The following RBMS3 variants were observed in gnomAD, a reference collection of about 807,000 sequenced individuals.
The protein encoded by RBMS3 is RNA-binding motif, single-stranded-interacting protein 3.
RBMS3 carries 27 observed loss-of-function variants against 66.8 expected under a neutral mutation model. That is an observed-to-expected ratio of 0.40 (90% CI 0.30 to 0.56). The LOEUF (loss-of-function observed/expected upper bound fraction) is 0.56, where lower values mean the gene tolerates loss of function less well. Ranked by LOEUF, RBMS3 falls within the 20% of genes least tolerant of loss-of-function variation. The pLI is 0.40. For synonymous variants in RBMS3, 188 were observed against 183.0 expected (o/e 1.03, Z -0.22); for missense variants, 513 against 549.5 (o/e 0.93, Z 0.66).
chr3:29,486,335 C>A (rs1294815523), intron 2 of RBMS3, among the ~76,000 whole-genome samples: 2 of 152,054 alleles, frequency 1.3e-5, no homozygotes. Context: ...TGTAACGGAG[C>A]CATGGAATGA....
chr3:29,717,807 G>A (rs1002649171), intron 4 of RBMS3, among the ~76,000 whole-genome samples: 1 of 152,080 alleles, frequency 6.6e-6, no homozygotes, highest in Non-Finnish European at 1.5e-5. Context: ...TTAGCGGAGT[G>A]GCAAATTGAT....
intron 12 of RBMS3, among the ~76,000 whole-genome samples, chr3:29,976,670 T>A (rs143339277): frequency 5.3e-5 from 8 of 152,232 alleles, no homozygotes; most frequent in Admixed American, 5.2e-4. Context: ...CTCTCATCCC[T>A]TGAGTGACAT....
At chr3:29,391,963 G>A (rs1017153443) in intron 1 of RBMS3, among the ~76,000 whole-genome samples, 5 of 152,032 alleles carry the variant, frequency 3.3e-5, no homozygotes, top group Admixed American at 6.6e-5. Context: ...TTAAGAAAAC[G>A]TAGAGGCCTG....
intron 3 of RBMS3, among the ~76,000 whole-genome samples, chr3:29,564,004 CAAAA>C (rs549817111): frequency 2.7e-5 from 2 of 72,902 alleles, no homozygotes; most frequent in African/African-American, 8.5e-5. Context: ...GAGATGCTGT[CAAAA>C]AAAAAAAAAG....
intron 1 of RBMS3, among the ~76,000 whole-genome samples, chr3:29,429,256 C>A (rs749703948): frequency 6.6e-6 from 1 of 152,152 alleles, no homozygotes; most frequent in African/African-American, 2.4e-5. Flanking sequence ...ATATAAAATG[C>A]TTAGCAAGCA....
intron 5 of RBMS3, among the ~76,000 whole-genome samples, chr3:29,761,160 TG>T (rs2055669739): frequency 6.6e-6 from 1 of 152,092 alleles, no homozygotes; most frequent in African/African-American, 2.4e-5. Context: ...GTTCTAAGTG[TG>T]GGGCTGTGTG....
intron 4 of RBMS3, among the ~76,000 whole-genome samples, chr3:29,631,735 C>T (rs991908216): frequency 6.6e-6 from 1 of 151,826 alleles, no homozygotes; most frequent in Non-Finnish European, 1.5e-5. Flanking sequence ...TTGTAAATCA[C>T]TATTTGTCTA....
At chr3:29,746,857 A>G (rs1559630302) in intron 5 of RBMS3, among the ~76,000 whole-genome samples, 1 of 152,212 alleles carries the variant, frequency 6.6e-6, no homozygotes, top group Non-Finnish European at 1.5e-5. Flanking sequence ...TTGCTTTATT[A>G]TTATAAAATA....
At chr3:29,602,843 C>T (rs2048194104) in intron 4 of RBMS3, among the ~76,000 whole-genome samples, 1 of 151,930 alleles carries the variant, frequency 6.6e-6, no homozygotes, top group Non-Finnish European at 1.5e-5. Flanking sequence ...CATTGATTTT[C>T]TACAGAGTAT....
intron 2 of RBMS3, among the ~76,000 whole-genome samples, chr3:29,439,637 T>C (rs1269373813): frequency 6.7e-6 from 1 of 149,692 alleles, no homozygotes; most frequent in Non-Finnish European, 1.5e-5. Context: ...CTTTAAGTTT[T>C]AGGGTACATG....
chr3:29,623,687 T>C (rs1447770817), intron 4 of RBMS3, among the ~76,000 whole-genome samples: 2 of 151,920 alleles, frequency 1.3e-5, no homozygotes, highest in East Asian at 1.9e-4. Context: ...TTTTAAAAGA[T>C]TATAATTGAA....
chr3:29,367,268 TCA>T (rs1195335064), intron 1 of RBMS3, among the ~76,000 whole-genome samples: 1 of 152,124 alleles, frequency 6.6e-6, no homozygotes, highest in East Asian at 1.9e-4. Context: ...ATGTAAGTAT[TCA>T]GTTATTTTAC....
chr3:29,743,519 A>G (rs2054731666), intron 5 of RBMS3, among the ~76,000 whole-genome samples: 1 of 152,198 alleles, frequency 6.6e-6, no homozygotes, highest in Non-Finnish European at 1.5e-5. Flanking sequence ...CTACCGAATT[A>G]ACAGTCTGGT....
intron 2 of RBMS3, among the ~76,000 whole-genome samples, chr3:29,461,868 C>T (rs537345221): frequency 1.3e-5 from 2 of 151,406 alleles, no homozygotes; most frequent in African/African-American, 4.9e-5. Context: ...ATTCTCCTGC[C>T]TCAGCCTCCC....
At chr3:29,300,948 T>C (rs187470339) in intron 1 of RBMS3, among the ~76,000 whole-genome samples, 1 of 151,920 alleles carries the variant, frequency 6.6e-6, no homozygotes, top group Admixed American at 6.6e-5. Context: ...CCTGAGTAAG[T>C]ATAGATAGGG....
At chr3:29,719,920 C>T (rs1004329934) in intron 4 of RBMS3, among the ~76,000 whole-genome samples, 7 of 148,980 alleles carry the variant, frequency 4.7e-5, no homozygotes, top group Non-Finnish European at 1.0e-4. Context: ...CCTACATTTT[C>T]TTACAGATAC....
At chr3:29,583,992 A>G (rs990096247) in intron 3 of RBMS3, among the ~76,000 whole-genome samples, 3 of 152,090 alleles carry the variant, frequency 2.0e-5, no homozygotes, top group African/African-American at 7.2e-5. Context: ...TGCTAGCTAA[A>G]TCTGTTTCTT....
At chr3:29,447,779 A>G (rs2041883812) in intron 2 of RBMS3, among the ~76,000 whole-genome samples, 2 of 152,190 alleles carry the variant, frequency 1.3e-5, no homozygotes, top group African/African-American at 4.8e-5. Flanking sequence ...GAAACTCTCT[A>G]TTCAAATATA....
intron 1 of RBMS3, among the ~76,000 whole-genome samples, chr3:29,306,943 A>G (rs1031147505): frequency 6.6e-6 from 1 of 151,952 alleles, no homozygotes; most frequent in Non-Finnish European, 1.5e-5. Context: ...CCCATAGCAC[A>G]TAACCAAAAG....
Sources: allele counts gnomAD v4.1 joint callset (sites outside exome capture counted in the v4.1 genomes callset), GRCh38; gene constraint gnomAD v4.1.1; transcripts MANE v1.5; gene names NCBI Gene and HGNC (gene_info 2026-07-23, HGNC 2026-07-21).